DNAH12: variants seen among roughly 807,000 people sequenced by gnomAD.
DNAH12 encodes axonemal beta dynein heavy chain 12.
Under a neutral mutation model 371.5 loss-of-function variants are expected in DNAH12, and 285 were observed. The ratio of observed to expected loss-of-function variants is 0.77; its 90% CI spans 0.70 to 0.85. The LOEUF is 0.85. DNAH12 is among the 40% of genes least tolerant of loss of function. The probability of loss-of-function intolerance (pLI) is 0.00; values close to 1 mark genes in which losing one functional copy is unlikely to be tolerated. For synonymous variants in DNAH12, 1,200 were observed against 1,213.0 expected (o/e 0.99, Z 0.22); for missense variants, 3,611 against 3,689.4 (o/e 0.98, Z 0.55).
intron 41 of DNAH12, among the ~76,000 whole-genome samples, chr3:57,405,384 T>C (rs2063992701): frequency 1.3e-5 from 2 of 152,180 alleles, no homozygotes; most frequent in South Asian, 2.1e-4. Context: ...GCGACTCCCA[T>C]TGAGTAGTTA....
In DNAH12 at chr3:57,405,248, T is replaced by G. The variant is rs532189160; in HGVS notation, c.6577-101A>C. On this transcript the variant is annotated intron_variant, in intron 41 of 73. Transcript: ENST00000495027. ...CATCCATGTTATAAAGTAATTAAGT[T>G]TTTAAACATTAGGGTAGTAAAAAAT... 6.2e-5 allele frequency: 64 copies of G among 1,032,532 alleles called. No homozygotes were observed. The African/African-American group carries it at 8.9e-4, about 14-fold the overall frequency. 64.0% of individuals were successfully genotyped at this position (1,032,532 alleles called of 1,614,324 possible).
At position 57,462,726 on chromosome 3, in the gene DNAH12, CAAGTATGGGGT is replaced by C; in HGVS notation, c.2488_2498del (p.Thr830GlyfsTer4). On this transcript the variant is annotated frameshift_variant, in exon 18 of 74. Coordinates refer to ENST00000495027, the MANE Select transcript of DNAH12 (RefSeq NM_001366028.2). LOFTEE classifies it high-confidence loss of function. ...CTGCACTTATCACTTCAAATTGTTC[CAAGTATGGGGT>C]AAGGTTTAATTTTAAAACTTTTCTC... is the stretch of plus-strand genomic sequence containing the variant. 1 of 1,551,306 alleles carries C rather than the reference CAAGTATGGGGT, an allele frequency of 6.4e-7. No homozygotes were observed. The highest frequency in any genetic ancestry group is 1.4e-5 in the African/African-American group (1 of 73,102).
chr3:57,333,433 C>T (rs2062153721), intron 62 of DNAH12, among the ~76,000 whole-genome samples: 1 of 149,460 alleles, frequency 6.7e-6, no homozygotes. Flanking sequence ...CCAGTTCAAA[C>T]AATTCTCCTT....
chr3:57,296,015 C>T (rs192975039), intron 72 of DNAH12, among the ~76,000 whole-genome samples: 10 of 152,250 alleles, frequency 6.6e-5, no homozygotes, highest in African/African-American at 2.4e-4. Context: ...GAAAGGTGAA[C>T]TTCATTATAA....
At chr3:57,493,267 A>T (rs1214322936) in intron 11 of DNAH12, among the ~76,000 whole-genome samples, 2 of 152,204 alleles carry the variant, frequency 1.3e-5, no homozygotes, top group Non-Finnish European at 2.9e-5. Flanking sequence ...GATTGAAAAT[A>T]TTTGAAAAAA....
intron 4 of DNAH12, 36 bp from the exon 5 acceptor site, chr3:57,511,015 G>T (rs1431495768): frequency 6.7e-7 from 1 of 1,501,826 alleles, no homozygotes; most frequent in South Asian, 1.3e-5. Context: ...GTTCTGCATG[G>T]TTGTATCATT....
intron 27 of DNAH12, 128 bp downstream of exon 27, chr3:57,445,903 G>A (rs1292623154): frequency 2.0e-5 from 16 of 819,642 alleles, no homozygotes; most frequent in Non-Finnish European, 2.6e-5. Flanking sequence ...CAAGAGAATC[G>A]CTTGAACCCG....
intron 55 of DNAH12, among the ~76,000 whole-genome samples, chr3:57,370,501 C>G (rs1007607921): frequency 1.3e-4 from 20 of 152,304 alleles, no homozygotes; most frequent in African/African-American, 3.8e-4. Flanking sequence ...ACTCCAGAGT[C>G]TGAACTGCTC....
intron 62 of DNAH12, among the ~76,000 whole-genome samples, chr3:57,327,449 CT>C (rs2061977407): frequency 6.6e-6 from 1 of 152,164 alleles, no homozygotes; most frequent in African/African-American, 2.4e-5. Flanking sequence ...CAACCTGCTC[CT>C]GAATGACTAC....
At chr3:57,533,355 G>A (rs1287376211) in intron 2 of DNAH12, among the ~76,000 whole-genome samples, 2 of 152,120 alleles carry the variant, frequency 1.3e-5, no homozygotes, top group African/African-American at 4.8e-5. Context: ...TACCTAAGAC[G>A]CAAAACAAAT....
At chr3:57,429,662 A>T in intron 33 of DNAH12, 29 bp downstream of exon 33, 1 of 1,506,734 alleles carries the variant, frequency 6.6e-7, no homozygotes, top group Non-Finnish European at 8.9e-7. Flanking sequence ...AAATGAACAA[A>T]CCACCATTGT....
chr3:57,465,748 A>T (rs2066180297), intron 17 of DNAH12, among the ~76,000 whole-genome samples: 1 of 152,152 alleles, frequency 6.6e-6, no homozygotes. Flanking sequence ...CAAGAAAAGA[A>T]ATCAATAAGA....
chr3:57,309,402 A>C (rs2061540845), intron 68 of DNAH12, 148 bp from the exon 69 acceptor site: 3 of 713,458 alleles, frequency 4.2e-6, no homozygotes, highest in South Asian at 2.3e-5. Context: ...TATGTACCTT[A>C]GCTCATCCAC....
chr3:57,446,181 T>C lies in DNAH12; in HGVS notation c.4029A>G (p.Gln1343=), dbSNP rs2065489793. The C allele has an allele frequency of 6.4e-7, 1 of 1,551,598 alleles. No homozygotes were observed. The highest frequency in any genetic ancestry group is 8.7e-7 in the Non-Finnish European group (1 of 1,147,002). ...IELEVLSVVA[Q]QILCIQRAIQ... is the part of the protein sequence containing the mutation. ...TAGCTCTCTGAATGCAAAGGATCTG[T>C]TGAGCTACCACTGACAACACTTCCA... The change falls in exon 27 of 74, where the codon CAA becomes CAG. Residue 1343 remains glutamine, a synonymous_variant. Coordinates refer to ENST00000495027, the MANE Select transcript of DNAH12 (RefSeq NM_001366028.2).
chr3:57,381,246 T>C (rs2063384210), intron 50 of DNAH12, among the ~76,000 whole-genome samples: 1 of 151,586 alleles, frequency 6.6e-6, no homozygotes, highest in Non-Finnish European at 1.5e-5. Flanking sequence ...GGTGTGTGTG[T>C]GTGTGTGTGT....
intron 49 of DNAH12, among the ~76,000 whole-genome samples, chr3:57,382,795 G>T (rs1448211603): frequency 6.6e-6 from 1 of 152,148 alleles, no homozygotes; most frequent in Non-Finnish European, 1.5e-5. Context: ...GATGAAAGAA[G>T]AGGTACGTCC....
In DNAH12 at chr3:57,445,221, C is replaced by T. The variant is rs142383929; in HGVS notation, c.4378G>A (p.Ala1460Thr). The T allele has an allele frequency of 7.5e-4, 1,158 of 1,549,682 alleles. 11 individuals are homozygous for T. The African/African-American group carries it at 0.014, about 19-fold the overall frequency. The change falls in exon 28 of 74, where the codon GCT becomes ACT. Residue 1460 changes from alanine to threonine, a missense_variant. Ala to Thr is a moderately conservative substitution (Grantham distance 58). Around this residue, in one of 3 missense-constraint regions of DNAH12, gnomAD observed 2,266 missense variants for 2,236.9 expected, o/e 1.01. Transcript: ENST00000495027. ...MRAVKAVLVA[A>T]GNLKLKYPNE... The stretch of plus-strand genomic sequence containing the variant: ...GGGTATTTTAGTTTTAGATTGCCAG[C>T]AGCCACTAAAACGGCTTTTACTGCT...
intron 11 of DNAH12, among the ~76,000 whole-genome samples, 164 bp downstream of exon 11, chr3:57,501,157 G>A (rs933625666): frequency 6.6e-6 from 1 of 152,192 alleles, no homozygotes; most frequent in Non-Finnish European, 1.5e-5. Context: ...ATTAATAAAT[G>A]AGTAAATGAA....
At chr3:57,507,124 T>C (rs916875828) in intron 8 of DNAH12, among the ~76,000 whole-genome samples, 1 of 152,170 alleles carries the variant, frequency 6.6e-6, no homozygotes, top group Non-Finnish European at 1.5e-5. Context: ...AAAACTATTT[T>C]TCTAGAATTG....
Sources: allele counts gnomAD v4.1 joint callset (sites outside exome capture counted in the v4.1 genomes callset), GRCh38; gene constraint gnomAD v4.1.1; regional missense constraint gnomAD v4.1.1; transcripts MANE v1.5; gene names NCBI Gene and HGNC (gene_info 2026-07-23, HGNC 2026-07-21).